The following KCNH7 variants were observed in gnomAD, a reference collection of about 807,000 sequenced individuals.
KCNH7 encodes potassium voltage-gated channel subfamily H member 7, also known as voltage-gated inwardly rectifying potassium channel KCNH7.
Under a neutral mutation model 120.8 loss-of-function variants are expected in KCNH7, and 49 were observed. The ratio of observed to expected loss-of-function variants is 0.41; its 90% CI spans 0.32 to 0.51. KCNH7 has a LOEUF of 0.51. Ranked by LOEUF, KCNH7 falls within the 20% of genes least tolerant of loss-of-function variation. The pLI is 0.38. For synonymous variants in KCNH7, 547 were observed against 516.1 expected (o/e 1.06, Z -0.81); for missense variants, 1,097 against 1,446.6 (o/e 0.76, Z 3.92).
intron 2 of KCNH7, among the ~76,000 whole-genome samples, chr2:162,594,701 T>C (rs1450716272): frequency 1.3e-5 from 2 of 150,922 alleles, no homozygotes; most frequent in African/African-American, 2.5e-5. Flanking sequence ...CCTTATTCCC[T>C]GAACAATACA....
In KCNH7 at chr2:162,727,196, A is replaced by G. The variant is rs1473735528; in HGVS notation, c.307+109341T>C. ...CTTAATAGCTTTTATGCTCTCTACT[A>G]TGTATACATACAAAATTCTTAGAAT... On this transcript the variant is annotated intron_variant, in intron 2 of 15. Coordinates refer to ENST00000332142, the MANE Select transcript of KCNH7 (RefSeq NM_033272.4). 3.9e-5 allele frequency among the ~76,000 whole-genome samples: 6 copies of G among 152,320 alleles called. No individual in the cohort carries two copies. In the South Asian group the frequency reaches 8.3e-4, roughly 21 times the overall value.
At chr2:162,576,429 TA>T (rs1037078636) in intron 2 of KCNH7, among the ~76,000 whole-genome samples, 1 of 152,076 alleles carries the variant, frequency 6.6e-6, no homozygotes, top group African/African-American at 2.4e-5. Flanking sequence ...TGCCAAGATT[TA>T]AAAAGTTGGA....
intron 2 of KCNH7, among the ~76,000 whole-genome samples, chr2:162,649,921 A>G (rs1180647256): frequency 6.6e-6 from 1 of 152,224 alleles, no homozygotes; most frequent in Non-Finnish European, 1.5e-5. Context: ...CATATAAGAC[A>G]GTTAATATAT....
intron 2 of KCNH7, among the ~76,000 whole-genome samples, chr2:162,801,446 C>A (rs1684345919): frequency 6.6e-6 from 1 of 151,548 alleles, no homozygotes; most frequent in South Asian, 2.1e-4. Context: ...TCCTTTTTAC[C>A]ATTTTTGGAA....
At chr2:162,497,013 C>T (rs949845900) in intron 6 of KCNH7, 1 of 151,992 alleles carries the variant, frequency 6.6e-6, no homozygotes, top group Non-Finnish European at 1.5e-5. Flanking sequence ...CTGGTTAGTA[C>T]TTGGATGGGA....
intron 2 of KCNH7, among the ~76,000 whole-genome samples, chr2:162,583,017 T>G (rs1159223967): frequency 6.6e-6 from 1 of 152,062 alleles, no homozygotes; most frequent in Non-Finnish European, 1.5e-5. Context: ...ACATTTTAAA[T>G]CTACTTTTAG....
chr2:162,836,625 C>A lies in KCNH7; in HGVS notation c.219G>T (p.Glu73Asp). ...TTTGGGCAATATCATGCCTCTTGGT[C>A]TCGGGTCCATGGAGAAAGTCGCAGG... ...PCTCDFLHGP[E>D]TKRHDIAQIA... The change falls in exon 2 of 16, where the codon GAG becomes GAT. Residue 73 changes from glutamate to aspartate, a missense_variant. Glu to Asp is a conservative substitution (Grantham distance 45, BLOSUM62 2). Transcript: ENST00000332142. 6.2e-7 allele frequency: 1 copy of A among 1,614,138 alleles called. No homozygotes were observed. The highest frequency in any genetic ancestry group is 8.5e-7 in the Non-Finnish European group (1 of 1,180,038).
At chr2:162,594,232 A>T (rs1448522687) in intron 2 of KCNH7, among the ~76,000 whole-genome samples, 1 of 88,222 alleles carries the variant, frequency 1.1e-5, no homozygotes, top group Admixed American at 1.3e-4. Context: ...ATAACCAGTA[A>T]GTATTCCTTC....
intron 2 of KCNH7, among the ~76,000 whole-genome samples, chr2:162,588,074 C>T (rs2105928107): frequency 6.6e-6 from 1 of 152,214 alleles, no homozygotes; most frequent in African/African-American, 2.4e-5. Context: ...CCCATCGCTC[C>T]TGCACTGAAC....
intron 2 of KCNH7, among the ~76,000 whole-genome samples, chr2:162,577,337 C>CCT (rs755812041): frequency 2.4e-5 from 3 of 122,532 alleles, no homozygotes; most frequent in East Asian, 2.2e-4. Context: ...ATCTGTCTAT[C>CCT]ATCTATCCAT....
intron 2 of KCNH7, among the ~76,000 whole-genome samples, chr2:162,658,631 T>G (rs908967023): frequency 6.6e-6 from 1 of 152,198 alleles, no homozygotes; most frequent in African/African-American, 2.4e-5. Flanking sequence ...TTTATTTAGC[T>G]CCTCTTTGAT....
intron 6 of KCNH7, among the ~76,000 whole-genome samples, chr2:162,488,134 A>G (rs1558972637): frequency 6.6e-6 from 1 of 152,190 alleles, no homozygotes; most frequent in African/African-American, 2.4e-5. Flanking sequence ...GTGAAGAAAG[A>G]CCTGAGCCAT....
At chr2:162,778,428 C>G (rs909260743) in intron 2 of KCNH7, among the ~76,000 whole-genome samples, 4 of 152,056 alleles carry the variant, frequency 2.6e-5, no homozygotes, top group Non-Finnish European at 5.9e-5. Context: ...ATTAAACTGT[C>G]AAGTAATGCA....
chr2:162,560,755 T>C (rs1370031179), intron 2 of KCNH7, among the ~76,000 whole-genome samples: 2 of 152,268 alleles, frequency 1.3e-5, no homozygotes, highest in Non-Finnish European at 2.9e-5. Flanking sequence ...TAAACTGATG[T>C]GCTTTCATGA....
chr2:162,632,482 C>G (rs1314156947), intron 2 of KCNH7, among the ~76,000 whole-genome samples: 1 of 151,664 alleles, frequency 6.6e-6, no homozygotes, highest in Non-Finnish European at 1.5e-5. Context: ...ATCAAACTCT[C>G]AACATTATAT....
Position 162,491,367 on chromosome 2 carries a change from T to G in KCNH7, c.1128+13076A>C, listed in dbSNP as rs542345156. On this transcript the variant is annotated intron_variant, in intron 6 of 15. Coordinates refer to ENST00000332142, the MANE Select transcript of KCNH7 (RefSeq NM_033272.4). ...AGCTTTTCTATGCAAGAGGTTTTTTTGTTTCCTTTGAGAGGCATTTTACTA... is the reference window on the plus strand; with the variant it reads ...AGCTTTTCTATGCAAGAGGTTTTTTGGTTTCCTTTGAGAGGCATTTTACTA... Among the ~76,000 whole-genome samples the G allele has an allele frequency of 5.9e-5, 9 of 152,332 alleles. No homozygotes were observed. The South Asian group carries it at 1.4e-3, about 25-fold the overall frequency.
intron 8 of KCNH7, among the ~76,000 whole-genome samples, chr2:162,429,467 T>C (rs187733369): frequency 6.7e-6 from 1 of 149,278 alleles, no homozygotes; most frequent in East Asian, 2.0e-4. Flanking sequence ...TTTCATCTGG[T>C]ATAATTTTCT....
chr2:162,666,211 C>T (rs1434917987), intron 2 of KCNH7, among the ~76,000 whole-genome samples: 4 of 152,072 alleles, frequency 2.6e-5, no homozygotes, highest in Non-Finnish European at 5.9e-5. Flanking sequence ...TCTATATTCC[C>T]TAATTTTCAG....
intron 2 of KCNH7, among the ~76,000 whole-genome samples, chr2:162,735,933 G>A (rs2105400061): frequency 6.6e-6 from 1 of 152,272 alleles, no homozygotes; most frequent in South Asian, 2.1e-4. Context: ...GAGAAGGCCA[G>A]CAGAGCCTCA....
Sources: gnomAD v4.1 joint callset for allele counts (sites outside exome capture counted in the v4.1 genomes callset) on GRCh38, gnomAD v4.1.1 for gene constraint, MANE v1.5 for transcripts, NCBI Gene and HGNC (gene_info 2026-07-23, HGNC 2026-07-21) for gene names.